The following GRM7 variants were observed in gnomAD, a reference collection of about 807,000 sequenced individuals.
The protein encoded by GRM7 is metabotropic glutamate receptor 7.
A neutral mutation model predicts 84.5 loss-of-function variants in GRM7; 35 were observed. The observed-to-expected ratio is 0.41, with a 90% CI of 0.32 to 0.55. The LOEUF (loss-of-function observed/expected upper bound fraction) is 0.55, where lower values mean the gene tolerates loss of function less well. Ranked by LOEUF, GRM7 falls within the 20% of genes least tolerant of loss-of-function variation. The probability of loss-of-function intolerance (pLI) is 0.19; values close to 1 mark genes in which losing one functional copy is unlikely to be tolerated. For missense variants in GRM7, 1,003 were observed against 1,194.6 expected (o/e 0.84, Z 2.36); for synonymous variants, 487 against 455.1 (o/e 1.07, Z -0.89).
At chr3:7,346,424 C>G (rs896737486) in intron 4 of GRM7, among the ~76,000 whole-genome samples, 1 of 152,112 alleles carries the variant, frequency 6.6e-6, no homozygotes, top group Non-Finnish European at 1.5e-5. Context: ...TCAGAGTTAA[C>G]CTAGTTACTG....
intron 8 of GRM7, among the ~76,000 whole-genome samples, chr3:7,601,476 C>A (rs985056077): frequency 6.6e-6 from 1 of 152,108 alleles, no homozygotes; most frequent in African/African-American, 2.4e-5. Flanking sequence ...ATGAAAAAAA[C>A]TCCACAAGAT....
chr3:7,695,429 A>G lies in GRM7; in HGVS notation c.2698+15134A>G, dbSNP rs921531057. ...AAGGCACTCAGCCGAGGAAGTCTAC[A>G]TTTTTTTTTAGCCCTGAAGTCCTCA... On this transcript the variant is annotated intron_variant, in intron 9 of 9. Coordinates refer to ENST00000357716, the MANE Select transcript of GRM7 (RefSeq NM_000844.4). Among the ~76,000 whole-genome samples the G allele has an allele frequency of 5.9e-5, 9 of 151,338 alleles. 1 individual carries two copies. Among genetic ancestry groups the G allele is most frequent in the Non-Finnish European group, 1.0e-4 (7 of 67,776 alleles).
intron 2 of GRM7, among the ~76,000 whole-genome samples, chr3:7,280,055 G>C (rs1459073870): frequency 1.3e-5 from 2 of 152,132 alleles, no homozygotes; most frequent in Admixed American, 6.5e-5. Context: ...ATTACTATCA[G>C]AAACAGGCAT....
chr3:7,315,050 C>G lies in GRM7; in HGVS notation c.1033+8398C>G, dbSNP rs373459588. Reference sequence around the variant, plus strand: ...TTTTTTTTTTAACCTTATATTCAGCCAGTGTCTTGTCAGAGATTTCTCTAA... The same window carrying G: ...TTTTTTTTTTAACCTTATATTCAGCGAGTGTCTTGTCAGAGATTTCTCTAA... On this transcript the variant is annotated intron_variant, in intron 4 of 9. Transcript: ENST00000357716. 5.1e-4 allele frequency among the ~76,000 whole-genome samples: 78 copies of G among 152,044 alleles called. 4 individuals are homozygous for G. In the South Asian group the frequency reaches 0.012, roughly 24 times the overall value.
chr3:7,023,932 C>A (rs553155584), intron 1 of GRM7, among the ~76,000 whole-genome samples: 1 of 152,084 alleles, frequency 6.6e-6, no homozygotes, highest in Non-Finnish European at 1.5e-5. Context: ...GCAGAGAATG[C>A]GTGATGCTAA....
intron 5 of GRM7, among the ~76,000 whole-genome samples, chr3:7,441,497 A>C (rs1225550367): frequency 6.6e-6 from 1 of 152,094 alleles, no homozygotes; most frequent in Non-Finnish European, 1.5e-5. Flanking sequence ...TAGTATAAAT[A>C]GGTCACATTT....
chr3:6,973,320 C>G (rs894305883), intron 1 of GRM7, among the ~76,000 whole-genome samples: 9 of 151,950 alleles, frequency 5.9e-5, no homozygotes, highest in African/African-American at 2.2e-4. Flanking sequence ...CTACTATGTA[C>G]CATGTTCCTT....
intron 4 of GRM7, among the ~76,000 whole-genome samples, chr3:7,348,475 C>T (rs1692989275): frequency 6.6e-6 from 1 of 152,068 alleles, no homozygotes; most frequent in Non-Finnish European, 1.5e-5. Flanking sequence ...CCAGAATATT[C>T]CTTATTCATT....
chr3:6,940,701 A>T (rs1158654589), intron 1 of GRM7, among the ~76,000 whole-genome samples: 1 of 152,218 alleles, frequency 6.6e-6, no homozygotes, highest in Non-Finnish European at 1.5e-5. Context: ...ATGTCATAGT[A>T]ATGATGGTGC....
intron 1 of GRM7, among the ~76,000 whole-genome samples, chr3:6,890,188 A>G (rs1251303095): frequency 1.4e-4 from 21 of 151,824 alleles, no homozygotes; most frequent in Non-Finnish European, 2.6e-4. Flanking sequence ...ACCAGCTCCT[A>G]GATTCATTAA....
intron 8 of GRM7, among the ~76,000 whole-genome samples, chr3:7,619,193 A>G (rs566802812): frequency 6.6e-6 from 1 of 152,242 alleles, no homozygotes; most frequent in South Asian, 2.1e-4. Flanking sequence ...ATTAAATGTA[A>G]TTTGAAGACA....
intron 2 of GRM7, among the ~76,000 whole-genome samples, chr3:7,258,980 T>G (rs1238268491): frequency 2.0e-5 from 3 of 152,206 alleles, no homozygotes; most frequent in East Asian, 3.8e-4. Flanking sequence ...CATATGAAAA[T>G]CAAGGTGTGC....
intron 4 of GRM7, among the ~76,000 whole-genome samples, chr3:7,395,836 A>T (rs957265803): frequency 6.6e-6 from 1 of 152,194 alleles, no homozygotes; most frequent in African/African-American, 2.4e-5. Flanking sequence ...ATGAACTAAT[A>T]CATATACCAT....
rs918218202 is a variant in GRM7 at position 7,357,237 on chromosome 3, A to C, written c.1033+50585A>C. On this transcript the variant is annotated intron_variant, in intron 4 of 9. Coordinates refer to ENST00000357716, the MANE Select transcript of GRM7 (RefSeq NM_000844.4). ...AATCCAATTTTACTACTTCAAAAAAAACAAAAAAGTATTTTTTTTGCTCGT... is the reference window on the plus strand; with the variant it reads ...AATCCAATTTTACTACTTCAAAAAACACAAAAAAGTATTTTTTTTGCTCGT... 2.0e-5 allele frequency among the ~76,000 whole-genome samples: 3 copies of C among 152,116 alleles called. No individual in the cohort carries two copies. The East Asian group carries it at 5.8e-4, about 29-fold the overall frequency.
chr3:7,069,139 C>G (rs886235608), intron 1 of GRM7, among the ~76,000 whole-genome samples: 4 of 151,268 alleles, frequency 2.6e-5, no homozygotes, highest in Non-Finnish European at 4.4e-5. Flanking sequence ...ATTAAAGAAC[C>G]CTTAATATTG....
At chr3:7,216,216 T>G (rs367803062) in intron 2 of GRM7, among the ~76,000 whole-genome samples, 1 of 152,190 alleles carries the variant, frequency 6.6e-6, no homozygotes, top group East Asian at 1.9e-4. Context: ...TATGCCTGTA[T>G]TTTTGGAATT....
At chr3:6,933,092 G>T (rs186848453) in intron 1 of GRM7, among the ~76,000 whole-genome samples, 1 of 151,936 alleles carries the variant, frequency 6.6e-6, no homozygotes, top group East Asian at 1.9e-4. Context: ...AGAGAGGGAG[G>T]GATGAATGAA....
intron 1 of GRM7, among the ~76,000 whole-genome samples, chr3:7,090,316 T>G (rs1360128444): frequency 1.3e-5 from 2 of 151,960 alleles, no homozygotes; most frequent in Non-Finnish European, 2.9e-5. Context: ...AAATATGAAC[T>G]GAGGAAGCAC....
chr3:7,130,017 T>A (rs1465532444), intron 1 of GRM7, among the ~76,000 whole-genome samples: 1 of 152,160 alleles, frequency 6.6e-6, no homozygotes, highest in Non-Finnish European at 1.5e-5. Flanking sequence ...ATTCGAATTG[T>A]TTCTCATTAA....
Sources: allele counts gnomAD v4.1 joint callset (sites outside exome capture counted in the v4.1 genomes callset), GRCh38; gene constraint gnomAD v4.1.1; transcripts MANE v1.5; gene names NCBI Gene and HGNC (gene_info 2026-07-23, HGNC 2026-07-21).